The following NACA variants were observed in gnomAD, a reference collection of about 807,000 sequenced individuals.
The protein encoded by NACA is nascent polypeptide associated complex subunit alpha, also known as nascent polypeptide-associated complex subunit alpha.
Under a neutral mutation model 86.4 loss-of-function variants are expected in NACA, and 42 were observed. That is an observed-to-expected ratio of 0.49 (90% CI 0.38 to 0.63). NACA has a LOEUF of 0.63. Among genes scored for constraint, NACA ranks in the 20% least tolerant of loss-of-function variants. The probability of loss-of-function intolerance (pLI) is 0.00; values close to 1 mark genes in which losing one functional copy is unlikely to be tolerated. For synonymous variants in NACA, 898 were observed against 973.7 expected (o/e 0.92, Z 1.45); for missense variants, 2,157 against 2,483.6 (o/e 0.87, Z 2.80).
At position 56,713,200 on chromosome 12, in the gene NACA, A is replaced by G. The variant is rs1953262394; in HGVS notation, c.5971-10T>C. On this transcript the variant is annotated splice_polypyrimidine_tract_variant and intron_variant, in intron 6 of 8. Coordinates refer to ENST00000454682, the MANE Select transcript of NACA (RefSeq NM_001365896.1). ...GGGATAAATCTTCGATCTACAGGGT[A>G]GAAAATACAGATCCATGTGAGTAGA... 6.2e-7 allele frequency: 1 copy of G among 1,613,368 alleles called. No individual in the cohort carries two copies. The highest frequency in any genetic ancestry group is 1.3e-5 in the African/African-American group (1 of 74,918).
rs1164943948 is a variant in NACA at position 56,712,925 on chromosome 12, A to T, written c.6100-17T>A. ...TTCATCGACCTGAGAGATGAGAGGGAAAAAGCAGTAAATTAAAGGCAAGAA... is the reference window on the plus strand; with the variant it reads ...TTCATCGACCTGAGAGATGAGAGGGTAAAAGCAGTAAATTAAAGGCAAGAA... On this transcript the variant is annotated splice_polypyrimidine_tract_variant and intron_variant, in intron 7 of 8. Transcript: ENST00000454682. 1.2e-6 allele frequency: 2 copies of T among 1,614,054 alleles called. No individual in the cohort carries two copies. The highest frequency in any genetic ancestry group is 1.1e-5 in the South Asian group (1 of 91,078).
At chr12:56,713,266 C>T (rs906320955) in intron 6 of NACA, 76 bp from the exon 7 acceptor site, 1 of 1,520,594 alleles carries the variant, frequency 6.6e-7, no homozygotes. Flanking sequence ...TTTCACAACT[C>T]TCTGTAAACC....
Position 56,719,576 on chromosome 12 carries a change from T to G in NACA, c.1954A>C (p.Ser652Arg). 1 of 1,613,928 alleles carries G rather than the reference T, an allele frequency of 6.2e-7. No homozygotes were observed. ...GGAGCCACCCCGGCAGGGTCAGCAC[T>G]TTCCAAAGGAAATGCAGCCACTGTT... Reference protein sequence around the residue: ...TPTVAAFPLESADPAGVAPTT... With the variant: ...TPTVAAFPLERADPAGVAPTT... The change falls in exon 3 of 9, where the codon AGT (serine) becomes CGT (arginine). Residue 652 changes from serine to arginine, a missense_variant. Ser to Arg is a moderately radical substitution (Grantham distance 110). This residue lies in a region of NACA where 947 missense variants were observed against 917.9 expected (regional missense o/e 1.03). Coordinates refer to ENST00000454682, the MANE Select transcript of NACA (RefSeq NM_001365896.1).
Position 56,719,137 on chromosome 12 carries a change from C to G in NACA, c.2393G>C (p.Gly798Ala). 1 of 1,458,876 alleles carries G rather than the reference C, an allele frequency of 6.9e-7. No individual in the cohort carries two copies. Among genetic ancestry groups the G allele is most frequent in the Non-Finnish European group, 9.3e-7 (1 of 1,079,416 alleles). 90.4% of individuals were successfully genotyped at this position (1,458,876 alleles called of 1,614,324 possible). The change falls in exon 3 of 9, where the codon GGG becomes GCG. Residue 798 changes from glycine to alanine, a missense_variant. Gly to Ala is a moderately conservative substitution (Grantham distance 60, BLOSUM62 0). Around this residue, in one of 8 missense-constraint regions of NACA, gnomAD observed 174 missense variants for 217.0 expected, o/e 0.80. Transcript: ENST00000454682. ...TTTAGTCTGAGGAGACACACTAACC[C>G]CTAAAGGAGATGGGGAATCAGCTAG... Reference protein sequence around the residue: ...TYLADSPSPLGVSVSPQTKRP... With the variant: ...TYLADSPSPLAVSVSPQTKRP...
rs1953498192 is a variant in NACA at position 56,719,211 on chromosome 12, C to G, written c.2319G>C (p.Glu773Asp). ...VASSPKECPT[E>D]DSGASATASS... is the part of the protein sequence containing the mutation. ...ATGCAGTAGCAGAAGCACCAGAGTC[C>G]TCAGTTGGGCACTCTTTGGGAGAGG... Residue 773 changes from glutamate (E) to aspartate (D), a missense_variant, in exon 3 of 9, where the codon GAG becomes GAC. Coordinates refer to ENST00000454682, the MANE Select transcript of NACA (RefSeq NM_001365896.1). 5.4e-6 allele frequency: 8 copies of G among 1,493,618 alleles called. No homozygotes were observed. Among genetic ancestry groups the G allele is most frequent in the Non-Finnish European group, 6.3e-6 (7 of 1,102,778 alleles). The allele number at this position is 1,493,618 out of a possible 1,614,324, so 92.5% of individuals were successfully genotyped here.
intron 3 of NACA, 62 bp downstream of exon 3, chr12:56,715,809 T>A: frequency 7.1e-7 from 1 of 1,403,676 alleles, no homozygotes; most frequent in Non-Finnish European, 9.5e-7. Context: ...TATTGGTGGG[T>A]AGCGCCCAAG....
chr12:56,718,794 G>T lies in NACA; in HGVS notation c.2736C>A (p.Ser912=). Residue 912 remains serine (S), a synonymous_variant, in exon 3 of 9, where the codon TCC becomes TCA. Transcript: ENST00000454682. The part of the protein sequence containing the change: ...TPAPKQAPAL[S]MTSSSPKKAR... Reference sequence around the variant, plus strand: ...CCTTTTTGGGGGAGGAAGAAGTCATGGATAGAGCAGGAGCCTGTTTGGGTG... The same window carrying T: ...CCTTTTTGGGGGAGGAAGAAGTCATTGATAGAGCAGGAGCCTGTTTGGGTG... 6.9e-7 allele frequency: 1 copy of T among 1,445,630 alleles called. No individual in the cohort carries two copies. 89.6% of individuals were successfully genotyped at this position (1,445,630 alleles called of 1,614,324 possible).
chr12:56,712,999 C>T (rs1290496847), intron 7 of NACA, 63 bp downstream of exon 7: 3 of 1,610,864 alleles, frequency 1.9e-6, no homozygotes, highest in Admixed American at 1.7e-5. Context: ...TTTAATATAG[C>T]TCACCAACAC....
Position 56,724,454 on chromosome 12 carries a change from G to A in NACA, c.68C>T (p.Thr23Ile). 2 of 1,610,206 alleles carry A rather than the reference G, an allele frequency of 1.2e-6. No homozygotes were observed. Among genetic ancestry groups the A allele is most frequent in the South Asian group, 1.1e-5 (1 of 90,282 alleles). Residue 23 changes from threonine (T) to isoleucine (I), a missense_variant and splice_region_variant, in exon 2 of 9, where the codon ACA (threonine) becomes ATA (isoleucine). Physicochemically the swap from Thr to Ile is moderately conservative, Grantham distance 89. Around this residue, in one of 8 missense-constraint regions of NACA, gnomAD observed 947 missense variants for 917.9 expected, o/e 1.03. Coordinates refer to ENST00000454682, the MANE Select transcript of NACA (RefSeq NM_001365896.1). ...EQELPQPQAETAVLPMSSALS... is the reference protein window; with the variant it reads ...EQELPQPQAEIAVLPMSSALS... ...GCAAGGAGGGTAGGGAAACCTACCT[G>A]TCTCAGCCTGGGGCTGCGGCAACTC...
rs1369965700 is a variant in NACA, at chr12:56,715,973, C to T, written c.5557G>A (p.Val1853Met). 1.3e-6 allele frequency: 2 copies of T among 1,564,188 alleles called. No individual in the cohort carries two copies. The highest frequency in any genetic ancestry group is 1.7e-6 in the Non-Finnish European group (2 of 1,153,824). ...LIPPEPISGGVPFQSVLVNMP... is the reference protein window; with the variant it reads ...LIPPEPISGGMPFQSVLVNMP... The stretch of plus-strand genomic sequence containing the variant: ...TTGACGAGGACCGACTGGAAAGGCA[C>T]TCCCCCAGAGATTGGTTCCGGGGGA... The change falls in exon 3 of 9, where the codon GTG (valine) becomes ATG (methionine). Residue 1853 changes from valine to methionine, a missense_variant. Around this residue, in one of 8 missense-constraint regions of NACA, gnomAD observed 797 missense variants for 777.6 expected, o/e 1.02. Transcript: ENST00000454682.
Position 56,717,430 on chromosome 12 carries a change from T to A in NACA, c.4100A>T (p.Glu1367Val). Residue 1367 changes from glutamate (E) to valine (V), a missense_variant, in exon 3 of 9, where the codon GAG becomes GTG. Around this residue, in one of 8 missense-constraint regions of NACA, gnomAD observed 797 missense variants for 777.6 expected, o/e 1.02. Coordinates refer to ENST00000454682, the MANE Select transcript of NACA (RefSeq NM_001365896.1). ...GGTTGCAGCTGGGGGAGTGGGGCCC[T>A]CTTTGGAGGATGGAGTAGTTGGGCC... is the stretch of plus-strand genomic sequence containing the variant. Reference protein sequence around the residue: ...KGGPTTPSSKEGPTPPAATPS... With the variant: ...KGGPTTPSSKVGPTPPAATPS... 7.5e-7 allele frequency: 1 copy of A among 1,338,608 alleles called. No homozygotes were observed. The allele number at this position is 1,338,608 out of a possible 1,614,324, so 82.9% of individuals were successfully genotyped here. A position where few individuals can be genotyped will look rare whatever the true frequency, so the allele number is the denominator to read the frequency against.
chr12:56,713,881 G>T, intron 5 of NACA, 198 bp from the exon 6 acceptor site: 1 of 571,108 alleles, frequency 1.8e-6, no homozygotes, highest in Non-Finnish European at 3.0e-6. Flanking sequence ...TTGCTCTGTC[G>T]CCCAGGCTGG....
At position 56,714,623 on chromosome 12, in the gene NACA, C is replaced by G; in HGVS notation, c.5724G>C (p.Gln1908His). 1.2e-6 allele frequency: 2 copies of G among 1,614,148 alleles called. No individual in the cohort carries two copies. Among genetic ancestry groups the G allele is most frequent in the African/African-American group, 2.7e-5 (2 of 75,038 alleles). ...VPELEEQDST[Q>H]ATTQQAQLAA... ...CCACCTGGGCTTGTTGTGTGGTTGC[C>G]TGGGTGGAATCCTGTTCTTCAAGCT... The change falls in exon 4 of 9, where the codon CAG becomes CAC. Residue 1908 changes from glutamine (Q) to histidine (H), a missense_variant. By Grantham distance (24) the Gln-to-His change is conservative. This residue lies in a region of NACA where 797 missense variants were observed against 777.6 expected (regional missense o/e 1.02). Coordinates refer to ENST00000454682, the MANE Select transcript of NACA (RefSeq NM_001365896.1).
intron 2 of NACA, among the ~76,000 whole-genome samples, chr12:56,721,778 G>C (rs536998099): frequency 6.6e-6 from 1 of 152,272 alleles, no homozygotes; most frequent in East Asian, 1.9e-4. Flanking sequence ...ACAGACTCTT[G>C]GTAGGTTGAG....
At chr12:56,723,029 G>A (rs1953615238) in intron 2 of NACA, among the ~76,000 whole-genome samples, 1 of 152,190 alleles carries the variant, frequency 6.6e-6, no homozygotes, top group Non-Finnish European at 1.5e-5. Context: ...GTAGGCCAAA[G>A]TCTAACGATT....
In NACA at chr12:56,717,015, C is replaced by CA. The variant is rs769274556; in HGVS notation, c.4514dup (p.Pro1506AlafsTer31). Reference sequence around the variant, plus strand: ...TGGGGGAAGAAGGAATCACAGCTGGCAGAGTGGGGGCCCCCATGGGGGCTG... The same window carrying CA: ...TGGGGGAAGAAGGAATCACAGCTGGCAAGAGTGGGGGCCCCCATGGGGGCTG... On this transcript the variant is annotated frameshift_variant, in exon 3 of 9. Coordinates refer to ENST00000454682, the MANE Select transcript of NACA (RefSeq NM_001365896.1). LOFTEE classifies it high-confidence loss of function. The CA allele has an allele frequency of 8.3e-7, 1 of 1,211,944 alleles. No individual in the cohort carries two copies. The highest frequency in any genetic ancestry group is 1.0e-6 in the Non-Finnish European group (1 of 959,164). The allele number at this position is 1,211,944 out of a possible 1,614,324, so 75.1% of individuals were successfully genotyped here. A position where few individuals can be genotyped will look rare whatever the true frequency, so the allele number is the denominator to read the frequency against.
Position 56,718,451 on chromosome 12 carries a change from G to C in NACA, c.3079C>G (p.Pro1027Ala), listed in dbSNP as rs752386935. The change falls in exon 3 of 9, where the codon CCA (proline) becomes GCA (alanine). Residue 1027 changes from proline to alanine, a missense_variant. Pro to Ala is a conservative substitution (Grantham distance 27). Around this residue, in one of 8 missense-constraint regions of NACA, gnomAD observed 124 missense variants for 186.5 expected, o/e 0.66. Coordinates refer to ENST00000454682, the MANE Select transcript of NACA (RefSeq NM_001365896.1). ...PSPKGSPAAT[P>A]FPKGASTPPA... The stretch of plus-strand genomic sequence containing the variant: ...GGTGTGGATGCCCCTTTGGGGAATG[G>C]GGTAGCTGCTGGACTTCCTTTGGGG... 1.6e-6 allele frequency: 2 copies of C among 1,262,046 alleles called. No individual in the cohort carries two copies. The highest frequency in any genetic ancestry group is 3.3e-5 in the South Asian group (2 of 59,798). The allele number at this position is 1,262,046 out of a possible 1,614,324, so 78.2% of individuals were successfully genotyped here.
At chr12:56,715,254 T>C (rs1008394518) in intron 3 of NACA, among the ~76,000 whole-genome samples, 1 of 152,214 alleles carries the variant, frequency 6.6e-6, no homozygotes, top group African/African-American at 2.4e-5. Context: ...AGATTCTCAA[T>C]GATGATGACC....
rs757181551 is a variant in NACA at position 56,724,442 on chromosome 12, G to C, written c.70+10C>G. On this transcript the variant is annotated intron_variant, in intron 2 of 8. Transcript: ENST00000454682. ...TTTTAATTAATGGCAAGGAGGGTAG[G>C]GAAACCTACCTGTCTCAGCCTGGGG... 11 of 1,606,908 alleles carry C rather than the reference G, an allele frequency of 6.8e-6. No individual in the cohort carries two copies. Among genetic ancestry groups the C allele is most frequent in the Non-Finnish European group, 9.3e-6 (11 of 1,176,698 alleles).
Sources: gnomAD v4.1 joint callset for allele counts (sites outside exome capture counted in the v4.1 genomes callset) on GRCh38, gnomAD v4.1.1 for gene constraint, gnomAD v4.1.1 regional missense constraint, MANE v1.5 for transcripts, NCBI Gene and HGNC (gene_info 2026-07-23, HGNC 2026-07-21) for gene names.